Variants in HERC1 observed in about 807,000 individuals in gnomAD.
HERC1 encodes the protein HECT and RLD domain containing E3 ubiquitin protein ligase family member 1, also known as probable E3 ubiquitin-protein ligase HERC1.
In HERC1, 160 loss-of-function variants were observed where a neutral mutation model predicts 554.3. That is an observed-to-expected ratio of 0.29 (90% CI 0.25 to 0.33). HERC1 has a LOEUF of 0.33. Ranked by LOEUF, HERC1 falls within the 10% of genes least tolerant of loss-of-function variation. The probability of loss-of-function intolerance (pLI) is 1.00; values close to 1 mark genes in which losing one functional copy is unlikely to be tolerated. For synonymous variants in HERC1, 2,175 were observed against 2,131.7 expected, an observed-to-expected ratio of 1.02 and a Z score of -0.56; for missense variants, 4,919 against 5,918.5, an observed-to-expected ratio of 0.83 and a Z score of 5.54.
At chr15:63,761,050 T>C (rs1030722863) in intron 3 of HERC1, among the ~76,000 whole-genome samples, 3 of 151,942 alleles carry the variant, frequency 2.0e-5, no homozygotes, top group Admixed American at 6.6e-5. Context: ...GAAAAGAAAA[T>C]GTGAACTAAA....
chr15:63,678,385 G>T lies in HERC1; in HGVS notation c.6550-20C>A. 6.4e-7 allele frequency: 1 copy of T among 1,554,468 alleles called. No individual in the cohort carries two copies. Among genetic ancestry groups the T allele is most frequent in the Non-Finnish European group, 8.7e-7 (1 of 1,153,338 alleles). ...TTTCACCTATATAAAAGTAAAGAGG[G>T]TGGAAAACACATGCTATTAGTAGTT... On this transcript the variant is annotated intron_variant, in intron 36 of 77. Coordinates refer to ENST00000443617, the MANE Select transcript of HERC1 (RefSeq NM_003922.4).
Position 63,746,941 on chromosome 15 carries a change from T to C in HERC1, c.2497A>G (p.Thr833Ala), listed in dbSNP as rs769920664. 12 of 1,552,490 alleles carry C rather than the reference T, an allele frequency of 7.7e-6. No homozygotes were observed. The highest frequency in any genetic ancestry group is 2.4e-5 in the South Asian group (2 of 84,080). ...ACCTCTTGGATTTCATCTGGGACAG[T>C]TGAGTCCATCAGTCTGAAGAGCAAA... is the stretch of plus-strand genomic sequence containing the variant. ...RNLLFRLMDS[T>A]VPDEIQEVVI... is the part of the protein sequence containing the mutation. Residue 833 changes from threonine (T) to alanine (A), a missense_variant, in exon 12 of 78, where the codon ACT becomes GCT. Thr to Ala is a moderately conservative substitution (Grantham distance 58). This residue lies in a region of HERC1 where 744 missense variants were observed against 1,090.0 expected (regional missense o/e 0.68). Coordinates refer to ENST00000443617, the MANE Select transcript of HERC1 (RefSeq NM_003922.4).
chr15:63,725,626 G>T, intron 17 of HERC1, 113 bp from the exon 18 acceptor site: 3 of 739,384 alleles, frequency 4.1e-6, no homozygotes, highest in Non-Finnish European at 4.5e-6. Flanking sequence ...AATATTTTAT[G>T]ATGAAAACAC....
intron 18 of HERC1, among the ~76,000 whole-genome samples, chr15:63,724,748 A>G (rs920874186): frequency 8.5e-5 from 13 of 152,210 alleles, no homozygotes; most frequent in Non-Finnish European, 1.8e-4. Flanking sequence ...ATAAGTCTTC[A>G]TGTTCAGTCT....
At position 63,826,404 on chromosome 15, in the gene HERC1, G is replaced by T. The variant is rs557264613; in HGVS notation, c.-27+7423C>A. The stretch of plus-strand genomic sequence containing the variant: ...GGTCCAAATAACTACCATACCATGG[G>T]TATCAATACGTACTGTATATACCGT... On this transcript the variant is annotated intron_variant, in intron 1 of 77. Transcript: ENST00000443617. Among the ~76,000 whole-genome samples, 3 of 152,142 alleles carry T rather than the reference G, an allele frequency of 2.0e-5. No homozygotes were observed. In the South Asian group the frequency reaches 6.2e-4, roughly 32 times the overall value.
At chr15:63,741,706 T>C (rs1224887107) in intron 12 of HERC1, among the ~76,000 whole-genome samples, 1 of 152,242 alleles carries the variant, frequency 6.6e-6, no homozygotes, top group African/African-American at 2.4e-5. Flanking sequence ...TTCTTTTGCA[T>C]GTGGGTATAC....
At chr15:63,743,595 AT>A in intron 12 of HERC1, among the ~76,000 whole-genome samples, 1 of 152,194 alleles carries the variant, frequency 6.6e-6, no homozygotes, top group Non-Finnish European at 1.5e-5. Context: ...CAATTCTGGT[AT>A]TAAAGGATTC....
chr15:63,747,918 C>A (rs2075113524), intron 10 of HERC1, 60 bp from the exon 11 acceptor site: 2 of 1,478,020 alleles, frequency 1.4e-6, no homozygotes, highest in African/African-American at 1.4e-5. Flanking sequence ...TATGCACGAT[C>A]AAAAACGAAA....
intron 16 of HERC1, among the ~76,000 whole-genome samples, chr15:63,728,419 G>A (rs1286087289): frequency 6.6e-6 from 1 of 152,142 alleles, no homozygotes; most frequent in Non-Finnish European, 1.5e-5. Flanking sequence ...ATTCAGAAAT[G>A]AGCTCAGTTT....
intron 24 of HERC1, among the ~76,000 whole-genome samples, chr15:63,710,869 G>T (rs2073258297): frequency 6.6e-6 from 1 of 152,204 alleles, no homozygotes; most frequent in African/African-American, 2.4e-5. Flanking sequence ...AGTCCAGTGT[G>T]ACAGAAGGAG....
chr15:63,663,209 G>T lies in HERC1; in HGVS notation c.8681-5C>A, dbSNP rs767479930. 6.2e-7 allele frequency: 1 copy of T among 1,600,150 alleles called. No individual in the cohort carries two copies. The highest frequency in any genetic ancestry group is 2.2e-5 in the East Asian group (1 of 44,684). On this transcript the variant is annotated splice_region_variant and splice_polypyrimidine_tract_variant and intron_variant, in intron 43 of 77. Transcript: ENST00000443617. Reference sequence around the variant, plus strand: ...GCACAGAGCGGTATAATCCCGCTCAGAACAAAACAAAAAAGGCATTTTATT... The same window carrying T: ...GCACAGAGCGGTATAATCCCGCTCATAACAAAACAAAAAAGGCATTTTATT...
intron 1 of HERC1, among the ~76,000 whole-genome samples, chr15:63,792,614 T>C (rs2076685288): frequency 6.6e-6 from 1 of 152,232 alleles, no homozygotes; most frequent in Non-Finnish European, 1.5e-5. Context: ...TAATATTTAG[T>C]ATTACCTTCT....
At chr15:63,766,366 T>C (rs564854230) in intron 2 of HERC1, among the ~76,000 whole-genome samples, 122 of 152,178 alleles carry the variant, frequency 8.0e-4, no homozygotes, top group African/African-American at 2.8e-3. Flanking sequence ...GGTGGGCAGA[T>C]CACTTGAGGT....
intron 8 of HERC1, among the ~76,000 whole-genome samples, chr15:63,751,696 T>A (rs1369213872): frequency 6.6e-6 from 1 of 152,180 alleles, no homozygotes; most frequent in Non-Finnish European, 1.5e-5. Flanking sequence ...AAACTATTCT[T>A]ACCCATTAAA....
chr15:63,660,840 A>G (rs892944548), intron 46 of HERC1, 133 bp downstream of exon 46: 2 of 555,526 alleles, frequency 3.6e-6, no homozygotes, highest in African/African-American at 1.9e-5. Context: ...TGAGTTTTTA[A>G]GGGAAAATTT....
At chr15:63,806,021 A>T (rs1249181326) in intron 1 of HERC1, among the ~76,000 whole-genome samples, 1 of 151,974 alleles carries the variant, frequency 6.6e-6, no homozygotes, top group Admixed American at 6.6e-5. Flanking sequence ...GGTATTCCCA[A>T]AAGTTCTAGA....
chr15:63,714,641 C>CA (rs1425879372), intron 22 of HERC1, among the ~76,000 whole-genome samples: 1 of 150,662 alleles, frequency 6.6e-6, no homozygotes, highest in Non-Finnish European at 1.5e-5. Context: ...CCTCCACCCC[C>CA]AGGTTCAAGC....
rs747466701 is a variant in HERC1, at chr15:63,616,474, G to C, written c.13897C>G (p.Leu4633Val). The change falls in exon 75 of 78, where the codon CTT (leucine) becomes GTT (valine). Residue 4633 changes from leucine (L) to valine (V), a missense_variant. Around this residue, in one of 11 missense-constraint regions of HERC1, gnomAD observed 284 missense variants for 294.1 expected, o/e 0.97. Transcript: ENST00000443617. ...GTAATCCCACTGTCTTCAATGTGAA[G>C]AATGCTGTTGAGAGTCTGCACGTAG... ...LLYVQTLNSI[L>V]HIEDSGITEE... is the part of the protein sequence containing the mutation. 7.4e-6 allele frequency: 12 copies of C among 1,613,866 alleles called. No individual in the cohort carries two copies. The highest frequency in any genetic ancestry group is 1.3e-5 in the African/African-American group (1 of 74,920).
chr15:63,770,291 T>C (rs79881652), intron 2 of HERC1, among the ~76,000 whole-genome samples: 175 of 152,276 alleles, frequency 1.1e-3, no homozygotes, highest in African/African-American at 3.5e-3. Context: ...CCGTAAGACA[T>C]TTTCGGTCCC....
Sources: gnomAD v4.1 joint callset for allele counts (sites outside exome capture counted in the v4.1 genomes callset) on GRCh38, gnomAD v4.1.1 for gene constraint, gnomAD v4.1.1 regional missense constraint, MANE v1.5 for transcripts, NCBI Gene and HGNC (gene_info 2026-07-23, HGNC 2026-07-21) for gene names.